Variants in RAPH1 observed in about 807,000 individuals in gnomAD.
The protein encoded by RAPH1 is Ras association (RalGDS/AF-6) and pleckstrin homology domains 1.
RAPH1 carries 18 observed loss-of-function variants against 88.1 expected under a neutral mutation model. The observed-to-expected ratio is 0.20, with a 90% CI of 0.14 to 0.30. RAPH1 has a LOEUF of 0.30. RAPH1 is among the 10% of genes least tolerant of loss of function. The pLI, the probability that RAPH1 is intolerant of heterozygous loss-of-function variation, is 1.00. For synonymous variants in RAPH1, 587 were observed against 559.0 expected (o/e 1.05, Z -0.71); for missense variants, 1,448 against 1,543.2 (o/e 0.94, Z 1.03).
chr2:203,470,500 G>A (rs979023768), intron 4 of RAPH1, among the ~76,000 whole-genome samples: 1 of 152,202 alleles, frequency 6.6e-6, no homozygotes, highest in Non-Finnish European at 1.5e-5. Flanking sequence ...AAAAGGAGCA[G>A]GGAGGTAAAG....
chr2:203,470,229 G>A (rs1306131356), intron 4 of RAPH1: 2 of 1,593,534 alleles, frequency 1.3e-6, no homozygotes, highest in Non-Finnish European at 1.7e-6. Flanking sequence ...GCATGTGGAA[G>A]AAGTATCACC....
At chr2:203,501,504 C>G (rs1022279261) in intron 1 of RAPH1, among the ~76,000 whole-genome samples, 1 of 152,138 alleles carries the variant, frequency 6.6e-6, no homozygotes, top group Non-Finnish European at 1.5e-5. Context: ...TGGTGGCTCA[C>G]GCCAGTAATC....
At chr2:203,475,523 TG>T in intron 4 of RAPH1, among the ~76,000 whole-genome samples, 1 of 152,254 alleles carries the variant, frequency 6.6e-6, no homozygotes, top group Non-Finnish European at 1.5e-5. Flanking sequence ...GAAATTATTT[TG>T]TCATTACAAT....
At chr2:203,491,996 G>A (rs1259063105) in intron 2 of RAPH1, among the ~76,000 whole-genome samples, 1 of 152,126 alleles carries the variant, frequency 6.6e-6, no homozygotes, top group African/African-American at 2.4e-5. Flanking sequence ...CACTTTGGCA[G>A]GCAGAGGCAG....
chr2:203,491,189 C>T (rs373037166), intron 3 of RAPH1, 25 bp downstream of exon 3: 141 of 1,486,306 alleles, frequency 9.5e-5, no homozygotes, highest in Admixed American at 1.9e-4. Flanking sequence ...TACTATTTTA[C>T]ATTTTATTTC....
chr2:203,481,650 G>A (rs1687729207), intron 4 of RAPH1, among the ~76,000 whole-genome samples: 2 of 149,072 alleles, frequency 1.3e-5, no homozygotes, highest in African/African-American at 4.9e-5. Context: ...GGAGTACAGT[G>A]GCATGATCTT....
At chr2:203,523,052 G>A (rs1039260650) in intron 1 of RAPH1, among the ~76,000 whole-genome samples, 1 of 152,044 alleles carries the variant, frequency 6.6e-6, no homozygotes, top group East Asian at 1.9e-4. Context: ...TAACAGAATG[G>A]AAAGTCCAGG....
intron 4 of RAPH1, among the ~76,000 whole-genome samples, chr2:203,482,594 C>A (rs750763159): frequency 6.6e-6 from 1 of 152,140 alleles, no homozygotes; most frequent in Non-Finnish European, 1.5e-5. Context: ...AAACTAATAG[C>A]TTTACAAAGT....
At chr2:203,490,676 T>A (rs994196375) in intron 3 of RAPH1, among the ~76,000 whole-genome samples, 1 of 152,184 alleles carries the variant, frequency 6.6e-6, no homozygotes, top group African/African-American at 2.4e-5. Context: ...AAACCAACTA[T>A]CTTTTAGTTA....
At position 203,501,757 on chromosome 2, in the gene RAPH1, A is replaced by G. The variant is rs368948184; in HGVS notation, c.1-6404T>C. Among the ~76,000 whole-genome samples, 58 of 150,952 alleles carry G rather than the reference A, an allele frequency of 3.8e-4. 1 individual carries two copies. Among genetic ancestry groups the G allele is most frequent in the Middle Eastern group, 3.4e-3 (1 of 292 alleles). Reference sequence around the variant, plus strand: ...TAGAAAGGGCCTACAGAAAGGTTCTACTTAGGATCCAAACCTTCGAAAATA... The same window carrying G: ...TAGAAAGGGCCTACAGAAAGGTTCTGCTTAGGATCCAAACCTTCGAAAATA... On this transcript the variant is annotated intron_variant, in intron 1 of 13. Transcript: ENST00000319170.
chr2:203,433,859 C>CTGA lies in RAPH1; in HGVS notation c.*5575_*5577dup, dbSNP rs963396423. 6.6e-6 allele frequency: 1 copy of CTGA among 152,434 alleles called. No homozygotes were observed. The highest frequency in any genetic ancestry group is 1.5e-5 in the Non-Finnish European group (1 of 68,000). The allele number at this position is 152,434 out of a possible 1,614,324, so 9.4% of individuals were successfully genotyped here. On this transcript the variant is annotated 3_prime_UTR_variant, in exon 14 of 14. Coordinates refer to ENST00000319170, the MANE Select transcript of RAPH1 (RefSeq NM_213589.3). ...TTTTTTTTATTAAGGATTTGATAAG[C>CTGA]TGATATAATGAAAACATGTAAATGA... is the stretch of plus-strand genomic sequence containing the variant.
intron 4 of RAPH1, among the ~76,000 whole-genome samples, chr2:203,471,775 G>A (rs530683685): frequency 4.9e-4 from 73 of 150,490 alleles, no homozygotes; most frequent in African/African-American, 1.5e-3. Context: ...TTTAATGCAA[G>A]GTAAACTTTA....
chr2:203,447,781 T>C, intron 12 of RAPH1, 178 bp downstream of exon 12: 1 of 471,350 alleles, frequency 2.1e-6, no homozygotes, highest in South Asian at 5.0e-5. Flanking sequence ...ATTTGTGAAC[T>C]AGCCCATGAT....
At chr2:203,528,145 G>C (rs1690209916) in intron 1 of RAPH1, among the ~76,000 whole-genome samples, 1 of 152,060 alleles carries the variant, frequency 6.6e-6, no homozygotes, top group African/African-American at 2.4e-5. Context: ...GCTGTGCTGT[G>C]GCAGTATGCT....
At chr2:203,476,885 A>C (rs1340262116) in intron 4 of RAPH1, among the ~76,000 whole-genome samples, 2 of 152,218 alleles carry the variant, frequency 1.3e-5, no homozygotes, top group Non-Finnish European at 2.9e-5. Flanking sequence ...CCACCTACAT[A>C]ATCATACCAG....
In RAPH1 at chr2:203,510,440, A is replaced by C. The variant is rs529498835; in HGVS notation, c.1-15087T>G. Among the ~76,000 whole-genome samples the C allele has an allele frequency of 2.6e-5, 4 of 152,240 alleles. No homozygotes were observed. The South Asian group carries it at 8.3e-4, about 32-fold the overall frequency. On this transcript the variant is annotated intron_variant, in intron 1 of 13. Coordinates refer to ENST00000319170, the MANE Select transcript of RAPH1 (RefSeq NM_213589.3). ...GTAGAGGTAGGGACCATTCATAAAG[A>C]AGCCAGAGGATTAAGAGAATAGAAA...
intron 1 of RAPH1, among the ~76,000 whole-genome samples, chr2:203,527,884 A>C (rs957739541): frequency 1.3e-5 from 2 of 151,934 alleles, no homozygotes; most frequent in African/African-American, 4.8e-5. Flanking sequence ...CAATGAAACA[A>C]AGGTGGAGGA....
chr2:203,534,455 T>A (rs1235038550), intron 1 of RAPH1, among the ~76,000 whole-genome samples: 2 of 142,540 alleles, frequency 1.4e-5, no homozygotes, highest in Non-Finnish European at 3.0e-5. Flanking sequence ...TCTTTCAACC[T>A]GTCTTAACAC....
At chr2:203,510,801 A>T (rs1689304200) in intron 1 of RAPH1, among the ~76,000 whole-genome samples, 2 of 152,276 alleles carry the variant, frequency 1.3e-5, no homozygotes, top group South Asian at 4.1e-4. Context: ...TGTACACTTT[A>T]AAAGAGTAAA....
Sources: allele counts gnomAD v4.1 joint callset (sites outside exome capture counted in the v4.1 genomes callset), GRCh38; gene constraint gnomAD v4.1.1; transcripts MANE v1.5; gene names NCBI Gene and HGNC (gene_info 2026-07-23, HGNC 2026-07-21).